Variants in ZNF827 observed in about 807,000 individuals in gnomAD.
The protein encoded by ZNF827 is zinc finger protein 827.
In ZNF827, 13 loss-of-function variants were observed where a neutral mutation model predicts 102.4. The ratio of observed to expected loss-of-function variants is 0.13; its 90% CI spans 0.08 to 0.20. The LOEUF (loss-of-function observed/expected upper bound fraction) is 0.20, where lower values mean the gene tolerates loss of function less well. Ranked by LOEUF, ZNF827 falls within the 10% of genes least tolerant of loss-of-function variation. The pLI is 1.00. For missense variants in ZNF827, 1,103 were observed against 1,344.4 expected (o/e 0.82, Z 2.81); for synonymous variants, 523 against 536.2 (o/e 0.98, Z 0.34).
intron 8 of ZNF827, among the ~76,000 whole-genome samples, chr4:145,821,156 A>G (rs1010611496): frequency 6.6e-6 from 1 of 152,254 alleles, no homozygotes; most frequent in South Asian, 2.1e-4. Context: ...AACAAAATGT[A>G]TAAATTTCAC....
chr4:145,911,555 C>T (rs1752296182), intron 1 of ZNF827, among the ~76,000 whole-genome samples: 1 of 152,170 alleles, frequency 6.6e-6, no homozygotes, highest in African/African-American at 2.4e-5. Flanking sequence ...AAGTAACTTG[C>T]CAGTATAATA....
chr4:145,780,046 C>T (rs1369479954), intron 8 of ZNF827, among the ~76,000 whole-genome samples: 1 of 152,152 alleles, frequency 6.6e-6, no homozygotes, highest in Non-Finnish European at 1.5e-5. Flanking sequence ...CAAAGAGTAG[C>T]TGGGCATGGT....
At chr4:145,931,658 T>A (rs941278045) in intron 1 of ZNF827, among the ~76,000 whole-genome samples, 3 of 152,220 alleles carry the variant, frequency 2.0e-5, no homozygotes, top group Admixed American at 6.5e-5. Flanking sequence ...ATGGAGAGAT[T>A]AGCTCCAGCC....
At position 145,885,757 on chromosome 4, in the gene ZNF827, A is replaced by G; in HGVS notation, c.1668T>C (p.Tyr556=). The change falls in exon 4 of 15, where the codon TAT becomes TAC. Residue 556 remains tyrosine (Y), a synonymous_variant. Transcript: ENST00000508784. ...ACAATGCTGACGCACTGTTGGCCAC[A>G]TACTCGGAGGGGTCTTTCAGCTTTG... ...NHTKLKDPSE[Y]VANSASALFS... is the part of the protein sequence containing the mutation. 3 of 1,601,958 alleles carry G rather than the reference A, an allele frequency of 1.9e-6. No homozygotes were observed. Among genetic ancestry groups the G allele is most frequent in the Middle Eastern group, 1.7e-4 (1 of 5,996 alleles).
intron 11 of ZNF827, among the ~76,000 whole-genome samples, chr4:145,773,549 C>T (rs748012435): frequency 6.6e-6 from 1 of 152,210 alleles, no homozygotes; most frequent in Non-Finnish European, 1.5e-5. Flanking sequence ...TTGTAAGCCC[C>T]GCAAATGCAG....
chr4:145,898,008 A>C (rs1020268379), intron 2 of ZNF827, among the ~76,000 whole-genome samples: 2 of 152,140 alleles, frequency 1.3e-5, no homozygotes, highest in African/African-American at 4.8e-5. Context: ...TACAAAAATT[A>C]GTCGGGTGTG....
intron 1 of ZNF827, among the ~76,000 whole-genome samples, chr4:145,930,142 CT>C (rs899493520): frequency 1.3e-5 from 2 of 152,140 alleles, no homozygotes; most frequent in African/African-American, 4.8e-5. Flanking sequence ...ACAACAAAAG[CT>C]TTTTAAAATA....
chr4:145,901,111 A>G (rs951056004), intron 2 of ZNF827, among the ~76,000 whole-genome samples: 1 of 152,216 alleles, frequency 6.6e-6, no homozygotes, highest in African/African-American at 2.4e-5. Flanking sequence ...TCAAATTGAC[A>G]TTAACTGTGA....
chr4:145,773,312 A>G (rs1039627816), intron 11 of ZNF827, among the ~76,000 whole-genome samples: 3 of 152,198 alleles, frequency 2.0e-5, no homozygotes, highest in Admixed American at 2.0e-4. Flanking sequence ...GGCTCTCTGC[A>G]GACCTCCAAG....
At chr4:145,770,761 A>C (rs755808145) in intron 11 of ZNF827, among the ~76,000 whole-genome samples, 13 of 152,200 alleles carry the variant, frequency 8.5e-5, no homozygotes, top group Non-Finnish European at 1.8e-4. Context: ...CTTAAAATTA[A>C]ATTTAAAGGT....
At chr4:145,899,924 T>A (rs528496943) in intron 2 of ZNF827, among the ~76,000 whole-genome samples, 1 of 152,206 alleles carries the variant, frequency 6.6e-6, no homozygotes, top group Non-Finnish European at 1.5e-5. Flanking sequence ...TTCAGCAATA[T>A]AATAAATATA....
rs562870774 is a variant in ZNF827, at chr4:145,925,494, C to T, written c.43+12871G>A. Among the ~76,000 whole-genome samples, 14 of 152,232 alleles carry T rather than the reference C, an allele frequency of 9.2e-5. No individual in the cohort carries two copies. The East Asian group carries it at 2.3e-3, about 25-fold the overall frequency. On this transcript the variant is annotated intron_variant, in intron 1 of 14. Transcript: ENST00000508784. ...TTTGACTTATCCTCTGTGATTATTT[C>T]GTGTCAACATTTGAAAGAACTATCA...
intron 4 of ZNF827, among the ~76,000 whole-genome samples, chr4:145,884,245 T>C (rs569818461): frequency 3.9e-5 from 6 of 152,296 alleles, no homozygotes; most frequent in African/African-American, 9.6e-5. Context: ...TTTCCTCATT[T>C]CTTCCAACTA....
intron 1 of ZNF827, among the ~76,000 whole-genome samples, chr4:145,916,475 T>C (rs576972959): frequency 2.0e-5 from 3 of 152,172 alleles, no homozygotes; most frequent in African/African-American, 7.2e-5. Flanking sequence ...CTTTGGACAT[T>C]TCCTTTCCCC....
intron 8 of ZNF827, among the ~76,000 whole-genome samples, chr4:145,822,353 A>T (rs1344573472): frequency 1.7e-5 from 2 of 121,024 alleles, no homozygotes; most frequent in Non-Finnish European, 3.4e-5. Flanking sequence ...CCTCCACCCC[A>T]GTTTGTCACA....
At chr4:145,855,987 G>C (rs1747064129) in intron 5 of ZNF827, among the ~76,000 whole-genome samples, 1 of 151,810 alleles carries the variant, frequency 6.6e-6, no homozygotes, top group African/African-American at 2.4e-5. Flanking sequence ...AGTCGATTGA[G>C]ACAAGCTTTA....
chr4:145,913,276 A>G (rs868013066), intron 1 of ZNF827, among the ~76,000 whole-genome samples: 2 of 151,964 alleles, frequency 1.3e-5, no homozygotes, highest in Non-Finnish European at 2.9e-5. Context: ...AAATATAAAA[A>G]TTAGCCAAGT....
Position 145,902,906 on chromosome 4 carries a change from G to A in ZNF827, c.353C>T (p.Pro118Leu), listed in dbSNP as rs1434700112. Residue 118 changes from proline to leucine, a missense_variant, in exon 2 of 15, where the codon CCC becomes CTC. Pro to Leu is a moderately conservative substitution (Grantham distance 98). This residue lies in a region of ZNF827 where 441 missense variants were observed against 458.6 expected (regional missense o/e 0.96). Coordinates refer to ENST00000508784, the MANE Select transcript of ZNF827 (RefSeq NM_001306215.2). This position sits in a 1 kb window ranked among gnomAD's most constrained non-coding sequence, Gnocchi z 4.3. ...CAGCCGCCTCAAATTGCTGCTCAGGGGCTTGTTGGAGCCTGGGTCATCGTC... is the reference window on the plus strand; with the variant it reads ...CAGCCGCCTCAAATTGCTGCTCAGGAGCTTGTTGGAGCCTGGGTCATCGTC... Reference protein sequence around the residue: ...LCDDDPGSNKPLSSNLRRLLE... With the variant: ...LCDDDPGSNKLLSSNLRRLLE... 1 of 1,614,142 alleles carries A rather than the reference G, an allele frequency of 6.2e-7. No individual in the cohort carries two copies. Among genetic ancestry groups the A allele is most frequent in the Admixed American group, 1.7e-5 (1 of 60,024 alleles).
rs373593190 is a variant in ZNF827 at position 145,797,084 on chromosome 4, C to A, written c.2384-17573G>T. 1.5e-4 allele frequency among the ~76,000 whole-genome samples: 23 copies of A among 152,272 alleles called. No individual in the cohort carries two copies. The South Asian group carries it at 4.6e-3, about 30-fold the overall frequency. On this transcript the variant is annotated intron_variant, in intron 8 of 14. Coordinates refer to ENST00000508784, the MANE Select transcript of ZNF827 (RefSeq NM_001306215.2). ...GGGGGCTTCCTGGGGTCATGCCAAA[C>A]CAGAGGCAAGGTGTTAAGGTTTTAC... is the stretch of plus-strand genomic sequence containing the variant.
Sources: allele counts gnomAD v4.1 joint callset (sites outside exome capture counted in the v4.1 genomes callset), GRCh38; gene constraint gnomAD v4.1.1; regional missense constraint gnomAD v4.1.1; non-coding constraint Gnocchi (gnomAD v3.1); transcripts MANE v1.5; gene names NCBI Gene and HGNC (gene_info 2026-07-23, HGNC 2026-07-21).